REEP5: variants seen among roughly 807,000 people sequenced by gnomAD.
REEP5 encodes the protein receptor expression-enhancing protein 5.
Under a neutral mutation model 22.4 loss-of-function variants are expected in REEP5, and 24 were observed. The observed-to-expected ratio is 1.07, with a 90% CI of 0.78 to 1.51. The LOEUF (loss-of-function observed/expected upper bound fraction) is 1.51, where lower values mean the gene tolerates loss of function less well. REEP5 is among the 40% of genes most tolerant of loss of function. REEP5 has a pLI of 0.00. For synonymous variants in REEP5, 103 were observed against 88.6 expected (o/e 1.16, Z -0.92); for missense variants, 252 against 233.0 (o/e 1.08, Z -0.53).
At chr5:112,900,364 C>A (rs1296389523) in intron 3 of REEP5, among the ~76,000 whole-genome samples, 1 of 152,068 alleles carries the variant, frequency 6.6e-6, no homozygotes, top group African/African-American at 2.4e-5. Context: ...AAATCTTTTT[C>A]TTTGAAACTT....
rs2150049984 is a variant in REEP5 at position 112,921,255 on chromosome 5, A to G, written c.120T>C (p.Gly40=). 1.2e-6 allele frequency: 2 copies of G among 1,614,052 alleles called. No individual in the cohort carries two copies. The highest frequency in any genetic ancestry group is 2.2e-5 in the South Asian group (2 of 91,042). ...GGTACAAGGCCACCAGTCCGATGAC[A>G]CCTGGGGACCACAAGGAGAGAAGTG... ...TGVNRSFIAL[G]VIGLVALYLV... Residue 40 remains glycine (G), a splice_region_variant and synonymous_variant, in exon 2 of 5, where the codon GGT becomes GGC. Transcript: ENST00000379638.
At chr5:112,887,317 C>A in intron 3 of REEP5, 134 bp from the exon 4 acceptor site, 2 of 821,756 alleles carry the variant, frequency 2.4e-6, no homozygotes, top group South Asian at 4.2e-5. Flanking sequence ...CCAGTGTTTT[C>A]TGCAGGTTAA....
intron 4 of REEP5, among the ~76,000 whole-genome samples, chr5:112,884,338 G>A (rs1768165689): frequency 1.3e-5 from 2 of 151,274 alleles, no homozygotes; most frequent in Admixed American, 6.6e-5. Context: ...TGTATATGCA[G>A]CTCATTCTAA....
chr5:112,895,317 C>T (rs1181782965), intron 3 of REEP5: 2 of 149,146 alleles, frequency 1.3e-5, no homozygotes, highest in African/African-American at 2.5e-5. Flanking sequence ...AGACAGTTTT[C>T]TCTTCTGCAG....
intron 3 of REEP5, among the ~76,000 whole-genome samples, chr5:112,901,887 T>TG: frequency 6.8e-6 from 1 of 147,672 alleles, no homozygotes; most frequent in East Asian, 2.0e-4. Context: ...TGCTTGAACC[T>TG]GGGGGGTGGA....
intron 2 of REEP5, among the ~76,000 whole-genome samples, chr5:112,911,379 A>C (rs899653495): frequency 1.1e-5 from 1 of 88,926 alleles, no homozygotes; most frequent in African/African-American, 1.1e-4. Flanking sequence ...TTCTAAGCTA[A>C]GCTTAAGCTC....
intron 4 of REEP5, chr5:112,885,591 C>T (rs1003797351): frequency 7.4e-6 from 2 of 270,618 alleles, no homozygotes; most frequent in Admixed American, 4.0e-5. Flanking sequence ...TTCTGGACAA[C>T]TTAGACCCAC....
At chr5:112,910,952 A>C (rs1769091250) in intron 2 of REEP5, among the ~76,000 whole-genome samples, 1 of 152,158 alleles carries the variant, frequency 6.6e-6, no homozygotes, top group South Asian at 2.1e-4. Context: ...TGGTAATCCC[A>C]TTGCTTTTTG....
intron 4 of REEP5, among the ~76,000 whole-genome samples, chr5:112,886,586 A>G (rs1304675935): frequency 6.6e-6 from 1 of 152,264 alleles, no homozygotes; most frequent in Non-Finnish European, 1.5e-5. Flanking sequence ...AAAATTATAG[A>G]AATTTACTAC....
At chr5:112,910,604 A>C (rs57954089) in intron 2 of REEP5, among the ~76,000 whole-genome samples, 6,824 of 152,232 alleles carry the variant, frequency 0.045, 440 homozygotes, top group African/African-American at 0.14. Flanking sequence ...TAGATACCAT[A>C]TATATGCTAA....
At chr5:112,895,878 C>A (rs1442225479) in intron 3 of REEP5, 1 of 152,164 alleles carries the variant, frequency 6.6e-6, no homozygotes, top group Non-Finnish European at 1.5e-5. Flanking sequence ...ACTCACAAGC[C>A]CACTGCTGCC....
intron 3 of REEP5, chr5:112,892,730 A>G: frequency 6.2e-7 from 1 of 1,614,122 alleles, no homozygotes; most frequent in Non-Finnish European, 8.5e-7. Context: ...TCCTTTGGCA[A>G]GAACTCCGAG....
Position 112,878,787 on chromosome 5 carries a change from TA to T in REEP5, c.568del (p.Ter190LysfsTer27). ...CAGGAAGTTTCCATCCAGTCTGGTT[TA>T]GGTGCTCTTCTTTTCTTCACCCAGT... ...NLLGEEKKST[*>X] On this transcript the variant is annotated frameshift_variant and stop_lost, in exon 5 of 5. Transcript: ENST00000379638. LOFTEE classifies it high-confidence loss of function. 6.2e-7 allele frequency: 1 copy of T among 1,614,160 alleles called. No homozygotes were observed.
intron 3 of REEP5, among the ~76,000 whole-genome samples, chr5:112,887,936 TAAAAAG>T (rs992107029): frequency 1.1e-4 from 17 of 152,172 alleles, no homozygotes; most frequent in African/African-American, 3.1e-4. Context: ...CTTTTTAAGA[TAAAAAG>T]AAAAGCAGAA....
intron 4 of REEP5, among the ~76,000 whole-genome samples, chr5:112,879,287 C>T (rs1244806014): frequency 1.4e-5 from 2 of 145,074 alleles, no homozygotes; most frequent in African/African-American, 5.2e-5. Flanking sequence ...TCCTCATTCC[C>T]AGCACTAGAA....
chr5:112,902,290 A>G lies in REEP5; in HGVS notation c.351+90T>C. On this transcript the variant is annotated intron_variant, in intron 3 of 4. Coordinates refer to ENST00000379638, the MANE Select transcript of REEP5 (RefSeq NM_005669.5). ...TCTTCTTGTTTATAATCTGAGACAG[A>G]GCCACAGATGCACAACATTCAAGCA... 2.3e-6 allele frequency: 3 copies of G among 1,277,338 alleles called. No individual in the cohort carries two copies. In the South Asian group the frequency reaches 4.9e-5, roughly 21 times the overall value. The allele number at this position is 1,277,338 out of a possible 1,614,324, so 79.1% of individuals were successfully genotyped here.
At chr5:112,880,672 T>C (rs1768044592) in intron 4 of REEP5, among the ~76,000 whole-genome samples, 1 of 152,234 alleles carries the variant, frequency 6.6e-6, no homozygotes. Context: ...CTCTTGCCCC[T>C]ATTTAGGAAT....
chr5:112,917,329 A>T (rs1769253628), intron 2 of REEP5, among the ~76,000 whole-genome samples: 1 of 152,094 alleles, frequency 6.6e-6, no homozygotes, highest in Admixed American at 6.6e-5. Context: ...TGGGAAACAC[A>T]CTCCACCTTT....
chr5:112,891,093 G>A (rs1202402772), intron 3 of REEP5, among the ~76,000 whole-genome samples: 1 of 147,678 alleles, frequency 6.8e-6, no homozygotes, highest in East Asian at 2.2e-4. Flanking sequence ...TTATTTTTGA[G>A]ACAGAGTCTC....
Sources: allele counts gnomAD v4.1 joint callset (sites outside exome capture counted in the v4.1 genomes callset), GRCh38; gene constraint gnomAD v4.1.1; transcripts MANE v1.5; gene names NCBI Gene and HGNC (gene_info 2026-07-23, HGNC 2026-07-21).